Variants in FANCA observed in about 807,000 individuals in gnomAD.
The protein encoded by FANCA is Fanconi anemia group A protein.
FANCA carries 236 observed loss-of-function variants against 194.3 expected under a neutral mutation model. The observed-to-expected ratio is 1.21, with a 90% CI of 1.09 to 1.35. The LOEUF (loss-of-function observed/expected upper bound fraction) is 1.35. Among genes scored for constraint, FANCA ranks in the 40% most tolerant of loss-of-function variants. The probability of loss-of-function intolerance (pLI) is 0.00; values close to 1 mark genes in which losing one functional copy is unlikely to be tolerated. For missense variants in FANCA, 2,628 were observed against 1,813.9 expected, an observed-to-expected ratio of 1.45 and a Z score of -8.15; for synonymous variants, 1,014 against 715.8, an observed-to-expected ratio of 1.42 and a Z score of -6.65.
intron 7 of FANCA, among the ~76,000 whole-genome samples, chr16:89,804,022 C>G (rs941119184): frequency 1.3e-5 from 2 of 152,092 alleles, no homozygotes; most frequent in African/African-American, 2.4e-5. Flanking sequence ...CCAGAAGCAT[C>G]CTATTCTGAG....
Position 89,810,774 on chromosome 16 carries a change from G to A in FANCA, c.455C>T (p.Ala152Val). The change falls in exon 5 of 43, where the codon GCT becomes GTT. Residue 152 changes from alanine (A) to valine (V), a missense_variant. Ala to Val is a moderately conservative substitution (Grantham distance 64). Transcript: ENST00000389301. Reference protein sequence around the residue: ...RKKLSSLLEFAQYLLAHSMFS... With the variant: ...RKKLSSLLEFVQYLLAHSMFS... ...CATACTGTGTGCCAATAAATACTGA[G>A]CAAACTCTAACAGGGAAGACAGCTT... 1.2e-6 allele frequency: 2 copies of A among 1,613,530 alleles called. No individual in the cohort carries two copies. The highest frequency in any genetic ancestry group is 8.5e-7 in the Non-Finnish European group (1 of 1,179,432).
At chr16:89,741,729 C>A (rs2062138379) in intron 37 of FANCA, among the ~76,000 whole-genome samples, 2 of 152,264 alleles carry the variant, frequency 1.3e-5, no homozygotes, top group South Asian at 2.1e-4. Flanking sequence ...TGCAGACGGT[C>A]CCATCCTTGC....
chr16:89,814,085 C>T lies in FANCA; in HGVS notation c.283+435G>A, dbSNP rs114933976. Among the ~76,000 whole-genome samples the T allele has an allele frequency of 3.5e-3, 539 of 152,218 alleles. 5 individuals are homozygous for T. The highest frequency in any genetic ancestry group is 0.013 in the African/African-American group (523 of 41,514). On this transcript the variant is annotated intron_variant, in intron 3 of 42. Transcript: ENST00000389301. Reference sequence around the variant, plus strand: ...ACAGAAACAAGTCATCACATAAGGACGTGAAGGATCAGAAAATAACTTACT... The same window carrying T: ...ACAGAAACAAGTCATCACATAAGGATGTGAAGGATCAGAAAATAACTTACT...
Position 89,767,594 on chromosome 16 carries a change from G to A in FANCA, c.2505-357C>T, listed in dbSNP as rs59288225. 5.5e-3 allele frequency among the ~76,000 whole-genome samples: 844 copies of A among 152,142 alleles called. 8 individuals are homozygous for A. The highest frequency in any genetic ancestry group is 0.019 in the African/African-American group (771 of 41,500). On this transcript the variant is annotated intron_variant, in intron 26 of 42. Transcript: ENST00000389301. ...AGAGGGAGTCTTGCTCTGTTGCCAA[G>A]CCGGAGTAGAGTGGTGCGATTTCGG...
At position 89,767,245 on chromosome 16, in the gene FANCA, C is replaced by A. The variant is rs2143308956; in HGVS notation, c.2505-8G>T. On this transcript the variant is annotated splice_region_variant and splice_polypyrimidine_tract_variant and intron_variant, in intron 26 of 42. Transcript: ENST00000389301. Reference sequence around the variant, plus strand: ...ATTGCTGCTGTACAAAATCTGAAAACAGAAATTATAACATATAAATGTAAT... The same window carrying A: ...ATTGCTGCTGTACAAAATCTGAAAAAAGAAATTATAACATATAAATGTAAT... The A allele has an allele frequency of 6.3e-7, 1 of 1,585,940 alleles. No homozygotes were observed. Among genetic ancestry groups the A allele is most frequent in the East Asian group, 2.2e-5 (1 of 44,734 alleles).
chr16:89,765,099 T>C (rs955521224), intron 27 of FANCA, 33 bp from the exon 28 acceptor site: 8 of 1,609,874 alleles, frequency 5.0e-6, no homozygotes, highest in South Asian at 1.1e-5. Flanking sequence ...CGTTTCTTCA[T>C]TGCGCAAGTT....
rs549056115 is a variant in FANCA at position 89,799,325 on chromosome 16, C to T, written c.827-93G>A. ...CAGGCGCTTTCAGACAACAGATCCA[C>T]TTCAACCCCCCAGAGGGCCCACATC... On this transcript the variant is annotated intron_variant, in intron 9 of 42. Transcript: ENST00000389301. 2.6e-4 allele frequency: 371 copies of T among 1,430,342 alleles called. No individual in the cohort carries two copies. In the Middle Eastern group the frequency reaches 5.8e-3, roughly 22 times the overall value. The allele number at this position is 1,430,342 out of a possible 1,614,324, so 88.6% of individuals were successfully genotyped here.
chr16:89,738,489 A>C lies in FANCA; in HGVS notation c.*112T>G, dbSNP rs1473348484. On this transcript the variant is annotated 3_prime_UTR_variant, in exon 43 of 43. Coordinates refer to ENST00000389301, the MANE Select transcript of FANCA (RefSeq NM_000135.4). ...TAAATAATTGATTCCTTTCCCCACT[A>C]AAGCAGTCGAGGAGATTTGTAATCC... 1.3e-6 allele frequency: 2 copies of C among 1,525,676 alleles called. No homozygotes were observed. The highest frequency in any genetic ancestry group is 1.8e-6 in the Non-Finnish European group (2 of 1,109,742). 94.5% of individuals were successfully genotyped at this position (1,525,676 alleles called of 1,614,324 possible).
chr16:89,764,624 G>C (rs900420419), intron 28 of FANCA, among the ~76,000 whole-genome samples: 3 of 152,172 alleles, frequency 2.0e-5, no homozygotes, highest in Non-Finnish European at 2.9e-5. Flanking sequence ...TTTCTTAAGA[G>C]CTGCACATGA....
chr16:89,801,744 TG>T (rs1228406446), intron 8 of FANCA, among the ~76,000 whole-genome samples: 4 of 151,622 alleles, frequency 2.6e-5, no homozygotes, highest in Non-Finnish European at 5.9e-5. Flanking sequence ...AAAAATTAGC[TG>T]GGCATGGTGG....
intron 21 of FANCA, among the ~76,000 whole-genome samples, chr16:89,775,197 T>G (rs12596934): frequency 0.06 from 9,107 of 151,932 alleles, 423 homozygotes; most frequent in East Asian, 0.23. Context: ...GCCACACACT[T>G]CAAGAAAAAC....
intron 20 of FANCA, among the ~76,000 whole-genome samples, chr16:89,777,245 G>C (rs1490456303): frequency 6.6e-6 from 1 of 151,804 alleles, no homozygotes; most frequent in South Asian, 2.1e-4. Context: ...GGCTGGGTGT[G>C]GTGGAGCACG....
intron 5 of FANCA, among the ~76,000 whole-genome samples, chr16:89,809,969 T>C (rs1027580171): frequency 1.3e-5 from 2 of 151,948 alleles, no homozygotes; most frequent in Non-Finnish European, 2.9e-5. Flanking sequence ...GACGTTGCAG[T>C]GAGCCAAGAT....
intron 10 of FANCA, chr16:89,798,744 G>A: frequency 1.3e-5 from 17 of 1,359,594 alleles, no homozygotes; most frequent in Non-Finnish European, 1.6e-5. Context: ...GATCTGTGGA[G>A]GCCAGGCAGC....
chr16:89,738,402 TG>T lies in FANCA; in HGVS notation c.*198del. On this transcript the variant is annotated 3_prime_UTR_variant, in exon 43 of 43. Coordinates refer to ENST00000389301, the MANE Select transcript of FANCA (RefSeq NM_000135.4). ...GTGTCCGGCTCAAGTAGCCTTCCTC[TG>T]CTCTGGGACCAGTGGTTTATTTTCC... is the stretch of plus-strand genomic sequence containing the variant. 7.3e-7 allele frequency: 1 copy of T among 1,378,220 alleles called. No homozygotes were observed. The highest frequency in any genetic ancestry group is 9.8e-7 in the Non-Finnish European group (1 of 1,021,566). 85.4% of individuals were successfully genotyped at this position (1,378,220 alleles called of 1,614,324 possible).
chr16:89,772,040 T>C (rs1206680615), intron 22 of FANCA, among the ~76,000 whole-genome samples: 3 of 152,150 alleles, frequency 2.0e-5, no homozygotes, highest in Non-Finnish European at 4.4e-5. Flanking sequence ...ATCCACTACC[T>C]TTTCCTGATT....
At chr16:89,791,316 A>G (rs1598151542) in intron 14 of FANCA, 87 bp downstream of exon 14, 3 of 1,539,414 alleles carry the variant, frequency 1.9e-6, no homozygotes, top group Non-Finnish European at 1.8e-6. Flanking sequence ...CTCACATGAC[A>G]GAGAATCAGG....
chr16:89,778,685 T>G (rs1567625347), intron 20 of FANCA, 116 bp downstream of exon 20: 1 of 906,814 alleles, frequency 1.1e-6, no homozygotes, highest in South Asian at 1.4e-5. Context: ...GAGCCAATAT[T>G]TTACCAATAA....
intron 28 of FANCA, among the ~76,000 whole-genome samples, chr16:89,763,731 G>C (rs1344657468): frequency 2.6e-5 from 4 of 151,976 alleles, no homozygotes; most frequent in Non-Finnish European, 5.9e-5. Flanking sequence ...GAGGTCAGGA[G>C]GTCGAGACCA....
Sources: gnomAD v4.1 joint callset for allele counts (sites outside exome capture counted in the v4.1 genomes callset) on GRCh38, gnomAD v4.1.1 for gene constraint, MANE v1.5 for transcripts, NCBI Gene and HGNC (gene_info 2026-07-23, HGNC 2026-07-21) for gene names.